The following CEP152 variants were observed in gnomAD, a reference collection of about 807,000 sequenced individuals.
The protein encoded by CEP152 is centrosomal protein 152, also known as centrosomal protein of 152 kDa.
In CEP152, 132 loss-of-function variants were observed where a neutral mutation model predicts 188.9. The ratio of observed to expected loss-of-function variants is 0.70; its 90% CI spans 0.61 to 0.81. The LOEUF is 0.81. CEP152 is among the 30% of genes least tolerant of loss of function. CEP152 has a pLI of 0.00. For synonymous variants in CEP152, 649 were observed against 666.6 expected, an observed-to-expected ratio of 0.97 and a Z score of 0.41; for missense variants, 1,914 against 1,969.8, an observed-to-expected ratio of 0.97 and a Z score of 0.54.
intron 19 of CEP152, among the ~76,000 whole-genome samples, chr15:48,759,489 G>A (rs1281238465): frequency 1.3e-5 from 2 of 152,210 alleles, no homozygotes; most frequent in East Asian, 3.9e-4. Flanking sequence ...TTCTATTTTT[G>A]TGACTCAATA....
chr15:48,751,083 CAGT>C (rs1893841556), intron 21 of CEP152, among the ~76,000 whole-genome samples: 2 of 152,126 alleles, frequency 1.3e-5, no homozygotes, highest in South Asian at 4.1e-4. Context: ...AAACATCCAA[CAGT>C]GGTACTCTCT....
At chr15:48,747,810 G>A (rs1470754425) in intron 22 of CEP152, among the ~76,000 whole-genome samples, 1 of 152,132 alleles carries the variant, frequency 6.6e-6, no homozygotes, top group Non-Finnish European at 1.5e-5. Flanking sequence ...TCTTCAGAGG[G>A]GCACTGGGAA....
intron 12 of CEP152, among the ~76,000 whole-genome samples, chr15:48,774,500 T>C (rs1895757855): frequency 6.6e-6 from 1 of 152,196 alleles, no homozygotes; most frequent in South Asian, 2.1e-4. Flanking sequence ...AAAGGAATCC[T>C]GAATTCTGTG....
Position 48,738,103 on chromosome 15 carries a change from G to A in CEP152, c.*146C>T. ...TATTAAGGCAACATAAATATCTCAA[G>A]CAATTTTAGAAGAATGCTTTACTTA... On this transcript the variant is annotated 3_prime_UTR_variant, in exon 27 of 27. Transcript: ENST00000380950. 1 of 873,696 alleles carries A rather than the reference G, an allele frequency of 1.1e-6. No homozygotes were observed. Among genetic ancestry groups the A allele is most frequent in the Non-Finnish European group, 1.7e-6 (1 of 590,558 alleles). 54.1% of individuals were successfully genotyped at this position (873,696 alleles called of 1,614,324 possible).
In CEP152 at chr15:48,784,024, T is replaced by C. The variant is rs1214323004; in HGVS notation, c.1270A>G (p.Thr424Ala). The C allele has an allele frequency of 6.2e-7, 1 of 1,613,852 alleles. No individual in the cohort carries two copies. Among genetic ancestry groups the C allele is most frequent in the East Asian group, 2.2e-5 (1 of 44,864 alleles). The change falls in exon 10 of 27, where the codon ACA (threonine) becomes GCA (alanine). Residue 424 changes from threonine to alanine, a missense_variant. Physicochemically the swap from Thr to Ala is moderately conservative, Grantham distance 58. Transcript: ENST00000380950. ...LEKTEIINKL[T>A]RSLEESQKQC... The stretch of plus-strand genomic sequence containing the variant: ...TTTTGACTCTCCTCTAGACTTCTTG[T>C]CAACTTATTAATGATCTCAGTCTTT...
intron 17 of CEP152, 77 bp downstream of exon 17, chr15:48,766,983 A>T (rs768244702): frequency 6.1e-5 from 97 of 1,581,012 alleles, no homozygotes; most frequent in Non-Finnish European, 7.7e-5. Flanking sequence ...TCTCTAGAAC[A>T]AATGTATTCG....
chr15:48,783,182 C>A (rs928573025), intron 10 of CEP152: 4 of 152,122 alleles, frequency 2.6e-5, no homozygotes, highest in Non-Finnish European at 5.9e-5. Flanking sequence ...GTCTATATAG[C>A]GGTGTTTGTA....
intron 2 of CEP152, among the ~76,000 whole-genome samples, chr15:48,802,900 C>T (rs1363527462): frequency 6.6e-6 from 1 of 152,196 alleles, no homozygotes; most frequent in African/African-American, 2.4e-5. Flanking sequence ...GACAAAATCC[C>T]AACTGGCACC....
At chr15:48,787,972 T>C (rs1896763954) in intron 9 of CEP152, among the ~76,000 whole-genome samples, 1 of 152,230 alleles carries the variant, frequency 6.6e-6, no homozygotes, top group Non-Finnish European at 1.5e-5. Flanking sequence ...TAGATCAGAC[T>C]GTCTTATTTT....
At position 48,741,130 on chromosome 15, in the gene CEP152, CTTTT is replaced by C. The variant is rs60800078; in HGVS notation, c.4093+467_4093+470del. The C allele has an allele frequency of 8.2e-5, 76 of 930,322 alleles. 1 individual carries two copies. The East Asian group carries it at 1.4e-3, about 17-fold the overall frequency. The allele number at this position is 930,322 out of a possible 1,614,324, so 57.6% of individuals were successfully genotyped here. ...TAGCTTCTGGTCTATCCACTGCAAACTTTTTTTTTTTTTTTTTGAGACAGGGCCT... is the reference window on the plus strand; with the variant it reads ...TAGCTTCTGGTCTATCCACTGCAAACTTTTTTTTTTTTTGAGACAGGGCCT... On this transcript the variant is annotated intron_variant, in intron 26 of 26. Transcript: ENST00000380950.
At chr15:48,796,351 G>A (rs930807016) in intron 5 of CEP152, among the ~76,000 whole-genome samples, 191 bp from the exon 6 acceptor site, 8 of 150,468 alleles carry the variant, frequency 5.3e-5, no homozygotes, top group South Asian at 2.1e-4. Context: ...AAAGTAGCAC[G>A]TATTGTTATT....
chr15:48,755,969 G>A lies in CEP152; in HGVS notation c.3279C>T (p.Cys1093=). 6.2e-7 allele frequency: 1 copy of A among 1,614,006 alleles called. No homozygotes were observed. The highest frequency in any genetic ancestry group is 1.1e-5 in the South Asian group (1 of 91,082). ...SVQYFEKLKG[C]IQKAFQDTLP... Reference sequence around the variant, plus strand: ...GTGTATCTTGAAATGCTTTCTGTATGCAGCCCTTTAGTTTTTCAAAATATT... The same window carrying A: ...GTGTATCTTGAAATGCTTTCTGTATACAGCCCTTTAGTTTTTCAAAATATT... The change falls in exon 20 of 27, where the codon TGC becomes TGT. Residue 1093 remains cysteine (C), a synonymous_variant. Coordinates refer to ENST00000380950, the MANE Select transcript of CEP152 (RefSeq NM_001194998.2).
At chr15:48,806,263 T>C (rs1045353587) in intron 1 of CEP152, among the ~76,000 whole-genome samples, 2 of 151,712 alleles carry the variant, frequency 1.3e-5, no homozygotes, top group African/African-American at 2.4e-5. Flanking sequence ...AAGTGAAGGC[T>C]GTGAAGCTCC....
intron 20 of CEP152, 58 bp from the exon 21 acceptor site, chr15:48,752,527 T>C: frequency 6.3e-7 from 1 of 1,575,192 alleles, no homozygotes; most frequent in Non-Finnish European, 8.6e-7. Flanking sequence ...CAATTTTATA[T>C]TTAAAATGCT....
Position 48,741,619 on chromosome 15 carries a change from T to C in CEP152, c.4075A>G (p.Ser1359Gly), listed in dbSNP as rs1266206824. ...GACATACCTGACTGTGTAGTTTTGC[T>C]TTGGGACTTACTAGAAATAGGTGTT... Reference protein sequence around the residue: ...LETPISSKSQSKTTQSALPLT... With the variant: ...LETPISSKSQGKTTQSALPLT... Residue 1359 changes from serine (S) to glycine (G), a missense_variant, in exon 26 of 27, where the codon AGC becomes GGC. Coordinates refer to ENST00000380950, the MANE Select transcript of CEP152 (RefSeq NM_001194998.2). The C allele has an allele frequency of 6.2e-7, 1 of 1,614,044 alleles. No individual in the cohort carries two copies. Among genetic ancestry groups the C allele is most frequent in the African/African-American group, 1.3e-5 (1 of 74,934 alleles).
Position 48,787,249 on chromosome 15 carries a change from C to T in CEP152, c.1173+1552G>A, listed in dbSNP as rs545024566. On this transcript the variant is annotated intron_variant, in intron 9 of 26. Transcript: ENST00000380950. The stretch of plus-strand genomic sequence containing the variant: ...GTGGTGCAATCATGGCTCACTGCAG[C>T]CTCGACCTCCTGAGCTCAAGCAATC... 2.8e-5 allele frequency among the ~76,000 whole-genome samples: 4 copies of T among 145,260 alleles called. No individual in the cohort carries two copies. In the East Asian group the frequency reaches 8.3e-4, roughly 30 times the overall value.
At chr15:48,789,069 T>C (rs1395969963) in intron 8 of CEP152, 68 bp from the exon 9 acceptor site, 7 of 1,381,230 alleles carry the variant, frequency 5.1e-6, no homozygotes, top group Non-Finnish European at 7.2e-6. Context: ...GTGCTGTCTA[T>C]AAACTTTTAC....
chr15:48,736,645 C>A (rs1421860680), downstream of CEP152, among the ~76,000 whole-genome samples: 3 of 152,174 alleles, frequency 2.0e-5, no homozygotes, highest in Admixed American at 1.3e-4. Context: ...CACACCCTAT[C>A]TCCAACCAAT....
intron 17 of CEP152, among the ~76,000 whole-genome samples, chr15:48,763,680 GA>G (rs889528300): frequency 4.0e-5 from 6 of 149,718 alleles, no homozygotes; most frequent in East Asian, 3.9e-4. Context: ...CTCAAAAAAG[GA>G]AAAAAAAAAT....
Sources: gnomAD v4.1 joint callset for allele counts (sites outside exome capture counted in the v4.1 genomes callset) on GRCh38, gnomAD v4.1.1 for gene constraint, MANE v1.5 for transcripts, NCBI Gene and HGNC (gene_info 2026-07-23, HGNC 2026-07-21) for gene names.